FOXP2: variants seen among roughly 807,000 people sequenced by gnomAD.
FOXP2 encodes forkhead box P2.
Under a neutral mutation model 115.8 loss-of-function variants are expected in FOXP2, and 12 were observed. That is an observed-to-expected ratio of 0.10 (90% CI 0.07 to 0.17). FOXP2 has a LOEUF of 0.17. FOXP2 is among the 10% of genes least tolerant of loss of function. The pLI is 1.00. For missense variants in FOXP2, 629 were observed against 843.5 expected (o/e 0.75, Z 3.15); for synonymous variants, 328 against 297.7 (o/e 1.10, Z -1.05).
At chr7:114,661,928 G>A (rs1806886348) in intron 13 of FOXP2, 137 bp from the exon 14 acceptor site, 3 of 1,077,188 alleles carry the variant, frequency 2.8e-6, no homozygotes, top group African/African-American at 3.2e-5. Context: ...GTAATATCAT[G>A]CCATATTTTG....
chr7:114,611,085 A>T (rs911916347), intron 3 of FOXP2, among the ~76,000 whole-genome samples: 2 of 152,208 alleles, frequency 1.3e-5, no homozygotes, highest in Non-Finnish European at 2.9e-5. Flanking sequence ...ATAGTAAGTT[A>T]TTCAGGAGTA....
At chr7:114,682,398 A>G (rs771919590) in intron 16 of FOXP2, among the ~76,000 whole-genome samples, 2 of 152,196 alleles carry the variant, frequency 1.3e-5, no homozygotes, top group African/African-American at 2.4e-5. Context: ...AAACCTGTAG[A>G]TAATTCTACA....
chr7:114,281,324 A>T (rs571872917), intron 1 of FOXP2, among the ~76,000 whole-genome samples: 21 of 151,202 alleles, frequency 1.4e-4, no homozygotes, highest in Non-Finnish European at 2.7e-4. Flanking sequence ...CTGATTTCAA[A>T]CTCCTGACCT....
intron 1 of FOXP2, among the ~76,000 whole-genome samples, chr7:114,173,348 C>T (rs1422694035): frequency 6.6e-6 from 1 of 151,280 alleles, no homozygotes; most frequent in African/African-American, 2.4e-5. Flanking sequence ...TCTCTTTTTT[C>T]ATTTTCTTTT....
chr7:114,633,867 A>G (rs1040229342), intron 6 of FOXP2, among the ~76,000 whole-genome samples: 8 of 152,282 alleles, frequency 5.3e-5, no homozygotes, highest in African/African-American at 1.9e-4. Context: ...GAATATTTTT[A>G]TTATCAGTTT....
chr7:114,577,277 A>AAAC (rs946057345), intron 3 of FOXP2, among the ~76,000 whole-genome samples: 30 of 151,892 alleles, frequency 2.0e-4, no homozygotes, highest in African/African-American at 6.8e-4. Context: ...TAAACCTGAA[A>AAAC]AACAACAACA....
intron 3 of FOXP2, among the ~76,000 whole-genome samples, chr7:114,555,557 G>C (rs1277069299): frequency 6.6e-6 from 1 of 152,168 alleles, no homozygotes; most frequent in Admixed American, 6.5e-5. Context: ...AGCACTTTGG[G>C]AGACTGAGGC....
chr7:114,152,036 G>A (rs1310848313), intron 1 of FOXP2, among the ~76,000 whole-genome samples: 1 of 152,058 alleles, frequency 6.6e-6, no homozygotes, highest in Non-Finnish European at 1.5e-5. Flanking sequence ...ACTACAGCTC[G>A]AATGTAAAAA....
chr7:114,458,216 T>G (rs1335280490), intron 2 of FOXP2, among the ~76,000 whole-genome samples: 3 of 150,940 alleles, frequency 2.0e-5, no homozygotes, highest in Non-Finnish European at 4.4e-5. Flanking sequence ...GGGAATGTGT[T>G]GTTAATGGTG....
chr7:114,408,442 A>G (rs1384738573), intron 2 of FOXP2, among the ~76,000 whole-genome samples: 1 of 152,118 alleles, frequency 6.6e-6, no homozygotes, highest in Non-Finnish European at 1.5e-5. Context: ...AACATAATGA[A>G]TGGGCCAGGC....
intron 2 of FOXP2, among the ~76,000 whole-genome samples, chr7:114,527,121 T>C (rs898946482): frequency 1.3e-5 from 2 of 152,072 alleles, no homozygotes; most frequent in African/African-American, 4.8e-5. Flanking sequence ...TTTATCCATG[T>C]TGTAGCAGGT....
At chr7:114,113,662 TC>T (rs1411384641) in intron 1 of FOXP2, among the ~76,000 whole-genome samples, 1 of 152,048 alleles carries the variant, frequency 6.6e-6, no homozygotes, top group Non-Finnish European at 1.5e-5. Flanking sequence ...TACTACCATA[TC>T]TGGATATTTA....
At chr7:114,375,563 G>A (rs959852742) in intron 2 of FOXP2, among the ~76,000 whole-genome samples, 4 of 152,170 alleles carry the variant, frequency 2.6e-5, no homozygotes, top group Admixed American at 6.5e-5. Context: ...CTTAAAAAGA[G>A]CCATTGTTTC....
intron 1 of FOXP2, among the ~76,000 whole-genome samples, chr7:114,165,068 G>A (rs1429753808): frequency 6.6e-6 from 1 of 152,124 alleles, no homozygotes. Flanking sequence ...TGGTTAAATT[G>A]TAGGTAGGTA....
chr7:114,541,746 A>C (rs570172058), intron 3 of FOXP2, among the ~76,000 whole-genome samples: 1 of 151,256 alleles, frequency 6.6e-6, no homozygotes, highest in African/African-American at 2.4e-5. Flanking sequence ...GAACTTTGCT[A>C]TCTAGGAGGC....
upstream of FOXP2, among the ~76,000 whole-genome samples, chr7:114,162,188 A>T (rs757880005): frequency 6.6e-6 from 1 of 152,212 alleles, no homozygotes; most frequent in Non-Finnish European, 1.5e-5. Context: ...TCTTAAACTT[A>T]TGAATGTTCA....
Position 114,172,048 on chromosome 7 carries a change from A to G in FOXP2, c.-102+8960A>G, listed in dbSNP as rs142456050. Among the ~76,000 whole-genome samples, 395 of 152,300 alleles carry G rather than the reference A, an allele frequency of 2.6e-3. 3 individuals are homozygous for G. The highest frequency in any genetic ancestry group is 9.1e-3 in the African/African-American group (377 of 41,574). On this transcript the variant is annotated intron_variant, in intron 1 of 17. Transcript: ENST00000634411. The stretch of plus-strand genomic sequence containing the variant: ...GCAATCTCATGATAAAACTTTAATA[A>G]GTGAGGAATTGCTTCCTAAGGATAA...
upstream of FOXP2, among the ~76,000 whole-genome samples, chr7:114,413,065 T>A (rs1347782441): frequency 6.6e-6 from 1 of 152,178 alleles, no homozygotes; most frequent in African/African-American, 2.4e-5. Flanking sequence ...GCTTTCTAGG[T>A]TGATAAGGCA....
intron 2 of FOXP2, among the ~76,000 whole-genome samples, chr7:114,378,701 A>AAAAAAAAAAAAAT (rs1554380027): frequency 9.4e-6 from 1 of 106,754 alleles, no homozygotes; most frequent in Admixed American, 1.1e-4. Context: ...AAAAAAAAAA[A>AAAAAAAAAAAAAT]GGAAAAGAAA....
Sources: gnomAD v4.1 joint callset for allele counts (sites outside exome capture counted in the v4.1 genomes callset) on GRCh38, gnomAD v4.1.1 for gene constraint, MANE v1.5 for transcripts, NCBI Gene and HGNC (gene_info 2026-07-23, HGNC 2026-07-21) for gene names.